SOX5: variants seen among roughly 807,000 people sequenced by gnomAD.
SOX5 encodes transcription factor SOX-5.
A neutral mutation model predicts 92.0 loss-of-function variants in SOX5; 9 were observed. The observed-to-expected ratio is 0.10, with a 90% CI of 0.06 to 0.17. The LOEUF (loss-of-function observed/expected upper bound fraction) is 0.17. SOX5 is among the 10% of genes least tolerant of loss of function. The pLI, the probability that SOX5 is intolerant of heterozygous loss-of-function variation, is 1.00. For missense variants in SOX5, 642 were observed against 944.5 expected (o/e 0.68, Z 4.20); for synonymous variants, 344 against 336.3 (o/e 1.02, Z -0.25).
chr12:23,727,083 A>G (rs919233762), intron 6 of SOX5, among the ~76,000 whole-genome samples: 1 of 152,162 alleles, frequency 6.6e-6, no homozygotes, highest in Non-Finnish European at 1.5e-5. Context: ...TCCAGATAAA[A>G]AGCAAAAGAA....
At chr12:24,094,425 C>T (rs1019874331) in intron 4 of SOX5, among the ~76,000 whole-genome samples, 2 of 141,626 alleles carry the variant, frequency 1.4e-5, no homozygotes, top group Admixed American at 7.0e-5. Context: ...TTTTTGGTGG[C>T]TTTTCCAATA....
chr12:23,625,364 CCT>C, intron 8 of SOX5, among the ~76,000 whole-genome samples: 1 of 152,252 alleles, frequency 6.6e-6, no homozygotes, highest in East Asian at 1.9e-4. Flanking sequence ...TAAATGGAAT[CCT>C]CTCTCTTTAA....
At chr12:24,255,763 T>C (rs770091870) in intron 3 of SOX5, among the ~76,000 whole-genome samples, 1 of 152,210 alleles carries the variant, frequency 6.6e-6, no homozygotes, top group Non-Finnish European at 1.5e-5. Context: ...AAGTCCTTCT[T>C]TCCCGGAACA....
intron 4 of SOX5, among the ~76,000 whole-genome samples, chr12:24,180,213 C>A (rs1170981377): frequency 6.6e-6 from 1 of 152,096 alleles, no homozygotes; most frequent in Non-Finnish European, 1.5e-5. Context: ...ATCCTCTCGC[C>A]TTGGCTTCCC....
intron 4 of SOX5, among the ~76,000 whole-genome samples, chr12:24,206,547 C>T (rs901327006): frequency 2.6e-5 from 4 of 152,248 alleles, no homozygotes; most frequent in East Asian, 3.9e-4. Context: ...ATTACGCTTA[C>T]GGAACCAAAG....
chr12:23,951,955 G>A (rs905096106), upstream of SOX5, among the ~76,000 whole-genome samples: 1 of 152,044 alleles, frequency 6.6e-6, no homozygotes, highest in African/African-American at 2.4e-5. Flanking sequence ...TATTTTTTCA[G>A]CCCTTAAGGG....
chr12:24,197,220 C>T (rs898828484), intron 4 of SOX5, among the ~76,000 whole-genome samples: 15 of 152,094 alleles, frequency 9.9e-5, no homozygotes, highest in African/African-American at 2.9e-4. Context: ...AATTTAATAG[C>T]CCCTTAAAAG....
At chr12:24,021,355 T>C (rs1158487054) in intron 4 of SOX5, among the ~76,000 whole-genome samples, 1 of 152,110 alleles carries the variant, frequency 6.6e-6, no homozygotes, top group Admixed American at 6.5e-5. Flanking sequence ...TTTTCTTCTC[T>C]TGGAGACTGC....
In SOX5 at chr12:23,533,510, C is replaced by CAA. The variant is rs1939529810; in HGVS notation, c.*707_*708dup. ...CTTCAGTACAAATTTGGCACTTGCT[C>CAA]AAAGATGTAGTGTGGTGTGCAATAG... On this transcript the variant is annotated 3_prime_UTR_variant, in exon 15 of 15. Coordinates refer to ENST00000451604, the MANE Select transcript of SOX5 (RefSeq NM_006940.6). The CAA allele has an allele frequency of 5.4e-6, 1 of 186,022 alleles. No individual in the cohort carries two copies. Among genetic ancestry groups the CAA allele is most frequent in the Non-Finnish European group, 1.1e-5 (1 of 87,456 alleles). The allele number at this position is 186,022 out of a possible 1,614,324, so 11.5% of individuals were successfully genotyped here.
At chr12:23,592,413 C>T (rs78882094) in intron 9 of SOX5, among the ~76,000 whole-genome samples, 2,054 of 152,220 alleles carry the variant, frequency 0.013, 47 homozygotes, top group African/African-American at 0.047. Flanking sequence ...TTTGAAAATG[C>T]AACTGCTAAA....
chr12:23,791,414 GC>G (rs1187068142), intron 3 of SOX5, among the ~76,000 whole-genome samples: 5 of 152,160 alleles, frequency 3.3e-5, no homozygotes, highest in Non-Finnish European at 7.3e-5. Flanking sequence ...GGATCCTCCT[GC>G]CTCAGCACCC....
chr12:23,922,075 G>A (rs1001034776), intron 1 of SOX5, among the ~76,000 whole-genome samples: 7 of 152,036 alleles, frequency 4.6e-5, no homozygotes, highest in Non-Finnish European at 8.8e-5. Flanking sequence ...CTCCCCCCCT[G>A]GGCTCCCACT....
intron 3 of SOX5, among the ~76,000 whole-genome samples, chr12:23,837,249 AT>A (rs1434573402): frequency 6.1e-5 from 7 of 114,878 alleles, no homozygotes; most frequent in South Asian, 2.6e-4. Flanking sequence ...TATAATATAT[AT>A]TTATATTTAT....
At chr12:23,863,996 A>C (rs1264199688) in intron 2 of SOX5, among the ~76,000 whole-genome samples, 1 of 147,300 alleles carries the variant, frequency 6.8e-6, no homozygotes, top group Non-Finnish European at 1.5e-5. Context: ...TTTTTTTGTT[A>C]ACAAATTGAA....
intron 4 of SOX5, among the ~76,000 whole-genome samples, chr12:24,043,052 T>C (rs1463260191): frequency 2.0e-5 from 3 of 152,140 alleles, no homozygotes; most frequent in African/African-American, 7.2e-5. Flanking sequence ...TAATTGATAA[T>C]GCTTCCCATC....
chr12:23,642,370 A>G lies in SOX5; in HGVS notation c.932-1473T>C, dbSNP rs757889615. 4.6e-5 allele frequency among the ~76,000 whole-genome samples: 7 copies of G among 152,224 alleles called. No homozygotes were observed. In the East Asian group the frequency reaches 7.7e-4, roughly 17 times the overall value. Reference sequence around the variant, plus strand: ...GGCAGTTAAGACAGCGAAGTACATAATGCTATGGACTGCACTGTGGTTGTC... The same window carrying G: ...GGCAGTTAAGACAGCGAAGTACATAGTGCTATGGACTGCACTGTGGTTGTC... On this transcript the variant is annotated intron_variant, in intron 7 of 14. Coordinates refer to ENST00000451604, the MANE Select transcript of SOX5 (RefSeq NM_006940.6).
intron 1 of SOX5, among the ~76,000 whole-genome samples, chr12:24,452,937 T>C (rs928051707): frequency 3.3e-5 from 5 of 152,226 alleles, no homozygotes; most frequent in Non-Finnish European, 5.9e-5. Flanking sequence ...CTGGCTTCAA[T>C]GCAAAGTAAT....
At chr12:24,430,127 TA>T (rs1938001985) in intron 1 of SOX5, among the ~76,000 whole-genome samples, 2 of 152,126 alleles carry the variant, frequency 1.3e-5, no homozygotes, top group South Asian at 4.1e-4. Flanking sequence ...AAATGTGAAC[TA>T]AAAGTAAAAG....
intron 4 of SOX5, among the ~76,000 whole-genome samples, chr12:24,117,459 GAT>G (rs10533613): frequency 0.69 from 104,791 of 151,514 alleles, 37,670 homozygotes; most frequent in East Asian, 0.98. Context: ...CCCACTTCTG[GAT>G]ATATATATAT....
Sources: allele counts gnomAD v4.1 joint callset (sites outside exome capture counted in the v4.1 genomes callset), GRCh38; gene constraint gnomAD v4.1.1; transcripts MANE v1.5; gene names NCBI Gene and HGNC (gene_info 2026-07-23, HGNC 2026-07-21).